The following EDA variants were observed in gnomAD, a reference collection of about 807,000 sequenced individuals.
EDA encodes ectodysplasin A.
A neutral mutation model predicts 23.6 loss-of-function variants in EDA; 2 were observed. The ratio of observed to expected loss-of-function variants is 0.08; its 90% CI spans 0.03 to 0.27. EDA has a LOEUF of 0.27. Among genes scored for constraint, EDA ranks in the 10% least tolerant of loss-of-function variants. The pLI is 1.00. For missense variants in EDA, 229 were observed against 324.2 expected (o/e 0.71, Z 2.26); for synonymous variants, 131 against 132.0 (o/e 0.99, Z 0.05).
intron 1 of EDA, among the ~76,000 whole-genome samples, chrX:69,782,238 A>G (rs2014966735): frequency 9.2e-6 from 1 of 109,203 alleles, no homozygotes; most frequent in Non-Finnish European, 1.9e-5. Flanking sequence ...TGCCATCAAG[A>G]TGGGGATGGG....
intron 2 of EDA, among the ~76,000 whole-genome samples, chrX:69,980,637 C>G (rs763925182): frequency 8.9e-6 from 1 of 112,307 alleles, no homozygotes; most frequent in East Asian, 2.8e-4. Flanking sequence ...TTATTCTAGA[C>G]TAAATAAGCC....
chrX:70,029,468 G>T (rs1403328517), intron 4 of EDA, 36 bp from the exon 5 acceptor site: 1 of 1,207,717 alleles, frequency 8.3e-7, no homozygotes, highest in East Asian at 3.0e-5. Context: ...GAAGTCAAAA[G>T]ATTATGCCCT....
chrX:70,035,314 T>G, intron 7 of EDA, 44 bp from the exon 8 acceptor site: 2 of 1,195,579 alleles, frequency 1.7e-6, no homozygotes, highest in Non-Finnish European at 2.3e-6. Context: ...CCCCACCCTC[T>G]CTTTCCTCTC....
chrX:69,832,606 T>C (rs1336871867), intron 1 of EDA, among the ~76,000 whole-genome samples: 1 of 111,910 alleles, frequency 8.9e-6, no homozygotes, highest in Non-Finnish European at 1.9e-5. Context: ...GGGGATGGCA[T>C]TGAATCTATA....
At position 70,035,733 on chromosome X, in the gene EDA, G is replaced by T; in HGVS notation, c.*124G>T. ...GTTGCAGCCGCAGAGAAATGCCCCA[G>T]TGTTATTTATTCCCCAGTGACTCCA... is the stretch of plus-strand genomic sequence containing the variant. On this transcript the variant is annotated 3_prime_UTR_variant, in exon 8 of 8. Transcript: ENST00000374552. 1 of 900,655 alleles carries T rather than the reference G, an allele frequency of 1.1e-6. No individual in the cohort carries two copies. The highest frequency in any genetic ancestry group is 1.6e-6 in the Non-Finnish European group (1 of 640,847). 74.2% of individuals were successfully genotyped at this position (900,655 alleles called of 1,213,427 possible).
chrX:69,766,380 A>T (rs1427136231), intron 1 of EDA, among the ~76,000 whole-genome samples: 1 of 110,853 alleles, frequency 9.0e-6, no homozygotes, highest in Non-Finnish European at 1.9e-5. Context: ...TTCATCACCC[A>T]GATACTAAGC....
intron 2 of EDA, among the ~76,000 whole-genome samples, chrX:69,978,359 T>C (rs1249071745): frequency 3.6e-5 from 3 of 83,147 alleles, no homozygotes; most frequent in African/African-American, 1.4e-4. Context: ...AAAAATTAGC[T>C]GGGTGTGGTG....
intron 2 of EDA, among the ~76,000 whole-genome samples, chrX:69,958,191 A>G (rs1006307475): frequency 8.9e-5 from 10 of 112,121 alleles, no homozygotes; most frequent in African/African-American, 3.2e-4. Context: ...AATTGACATA[A>G]TGCTACCCCT....
At chrX:69,820,332 G>A (rs941779727) in intron 1 of EDA, among the ~76,000 whole-genome samples, 4 of 111,768 alleles carry the variant, frequency 3.6e-5, no homozygotes, top group African/African-American at 1.3e-4. Context: ...ACATTGGCAC[G>A]GGTAAAGATT....
chrX:69,841,414 G>T (rs1342767783), intron 1 of EDA, among the ~76,000 whole-genome samples: 2 of 111,687 alleles, frequency 1.8e-5, no homozygotes, highest in Non-Finnish European at 3.8e-5. Context: ...TTTTGTGACT[G>T]GGTCTCACTT....
intron 1 of EDA, among the ~76,000 whole-genome samples, chrX:69,770,131 T>C (rs2014586690): frequency 8.9e-6 from 1 of 112,429 alleles, no homozygotes; most frequent in African/African-American, 3.2e-5. Flanking sequence ...GTTTAACCAT[T>C]CACATGTTAA....
intron 1 of EDA, among the ~76,000 whole-genome samples, chrX:69,681,844 GC>G (rs1196433422): frequency 8.9e-6 from 1 of 111,816 alleles, no homozygotes; most frequent in Non-Finnish European, 1.9e-5. Context: ...TCTCCGTCCG[GC>G]TTTGTTCCGT....
chrX:69,661,264 A>G (rs1332743862), intron 1 of EDA, among the ~76,000 whole-genome samples: 14 of 104,438 alleles, frequency 1.3e-4, no homozygotes, highest in African/African-American at 4.6e-4. Flanking sequence ...TCAGATGGGT[A>G]GATTGTAAAA....
At chrX:69,915,848 G>T (rs2018334377) in intron 1 of EDA, among the ~76,000 whole-genome samples, 1 of 111,320 alleles carries the variant, frequency 9.0e-6, no homozygotes, top group African/African-American at 3.3e-5. Flanking sequence ...AATCTAACCT[G>T]TCTGGGGCGG....
At chrX:69,740,833 ATTCTTTCTT>A (rs2013436813) in intron 1 of EDA, among the ~76,000 whole-genome samples, 1 of 108,137 alleles carries the variant, frequency 9.2e-6, no homozygotes, top group Admixed American at 9.9e-5. Context: ...ATTATTCTTC[ATTCTTTCTT>A]TTCTTTCTTA....
intron 1 of EDA, among the ~76,000 whole-genome samples, chrX:69,741,776 A>G (rs1410537722): frequency 1.8e-5 from 2 of 111,797 alleles, no homozygotes; most frequent in African/African-American, 6.5e-5. Flanking sequence ...TCTCTTACAT[A>G]TGTATCTAGC....
chrX:69,770,821 TA>T (rs2014611829), intron 1 of EDA, among the ~76,000 whole-genome samples: 1 of 89,330 alleles, frequency 1.1e-5, no homozygotes, highest in Non-Finnish European at 2.6e-5. Context: ...TATTTGCTCA[TA>T]TTTTTTTTCT....
intron 1 of EDA, among the ~76,000 whole-genome samples, chrX:69,658,238 G>T (rs1347354602): frequency 9.2e-6 from 1 of 108,248 alleles, no homozygotes; most frequent in African/African-American, 3.4e-5. Context: ...GTGTGTGTGT[G>T]TGTGTGTGTG....
At chrX:69,881,469 G>C (rs2017745659) in intron 1 of EDA, among the ~76,000 whole-genome samples, 1 of 111,183 alleles carries the variant, frequency 9.0e-6, no homozygotes, top group African/African-American at 3.3e-5. Flanking sequence ...TACCTCAGAA[G>C]TGATTTGGTC....
Sources: gnomAD v4.1 joint callset for allele counts (sites outside exome capture counted in the v4.1 genomes callset) on GRCh38, gnomAD v4.1.1 for gene constraint, MANE v1.5 for transcripts, NCBI Gene and HGNC (gene_info 2026-07-23, HGNC 2026-07-21) for gene names.